The following PLEKHA7 variants were observed in gnomAD, a reference collection of about 807,000 sequenced individuals.
PLEKHA7 encodes pleckstrin homology domain containing A7.
PLEKHA7 carries 104 observed loss-of-function variants against 170.0 expected under a neutral mutation model. The observed-to-expected ratio is 0.61, with a 90% confidence interval of 0.52 to 0.72. PLEKHA7 has a LOEUF of 0.72. Among genes scored for constraint, PLEKHA7 ranks in the 30% least tolerant of loss-of-function variants. The pLI, the probability that PLEKHA7 is intolerant of heterozygous loss-of-function variation, is 0.00. For missense variants in PLEKHA7, 1,615 were observed against 1,671.7 expected, an observed-to-expected ratio of 0.97 and a Z score of 0.59; for synonymous variants, 648 against 660.8, an observed-to-expected ratio of 0.98 and a Z score of 0.30.
At chr11:16,849,894 G>C (rs1852779824) in intron 8 of PLEKHA7, among the ~76,000 whole-genome samples, 3 of 152,172 alleles carry the variant, frequency 2.0e-5, no homozygotes. Context: ...GGGAAACACA[G>C]GAACAACTCA....
chr11:16,901,292 A>C (rs935141904), intron 3 of PLEKHA7, among the ~76,000 whole-genome samples: 6 of 152,232 alleles, frequency 3.9e-5, no homozygotes, highest in Admixed American at 2.6e-4. Context: ...AAAATAAATC[A>C]GCTCTAGGCT....
chr11:16,910,183 A>G (rs1858147665), intron 3 of PLEKHA7, among the ~76,000 whole-genome samples: 1 of 152,236 alleles, frequency 6.6e-6, no homozygotes, highest in Non-Finnish European at 1.5e-5. Flanking sequence ...GTAATGTTTT[A>G]TAAACACTTC....
intron 8 of PLEKHA7, among the ~76,000 whole-genome samples, chr11:16,847,341 C>G (rs930458842): frequency 6.6e-6 from 1 of 152,058 alleles, no homozygotes; most frequent in African/African-American, 2.4e-5. Context: ...ATCCGCCCCC[C>G]TCTGCCTCCC....
chr11:16,855,652 G>A, intron 5 of PLEKHA7, 151 bp downstream of exon 5: 1 of 646,074 alleles, frequency 1.5e-6, no homozygotes, highest in Non-Finnish European at 2.8e-6. Flanking sequence ...ATCCCTCTTG[G>A]CCTCAGTTTC....
At chr11:16,959,514 C>T (rs962763704) in intron 3 of PLEKHA7, among the ~76,000 whole-genome samples, 1 of 152,164 alleles carries the variant, frequency 6.6e-6, no homozygotes, top group Non-Finnish European at 1.5e-5. Context: ...TCAGGTTCAG[C>T]ACCCAATGAG....
At chr11:16,936,035 A>C (rs1280601558) in intron 3 of PLEKHA7, among the ~76,000 whole-genome samples, 1 of 152,224 alleles carries the variant, frequency 6.6e-6, no homozygotes. Flanking sequence ...GGCAACACTG[A>C]GCCAGGAGAA....
At chr11:16,958,479 A>T (rs910696704) in intron 3 of PLEKHA7, among the ~76,000 whole-genome samples, 1 of 152,206 alleles carries the variant, frequency 6.6e-6, no homozygotes. Context: ...TGCATGAGAA[A>T]GGAAAGACTG....
rs1282292652 is a variant in PLEKHA7, at chr11:16,791,142, G to C, written c.2803C>G (p.Pro935Ala). The change falls in exon 20 of 27, where the codon CCC becomes GCC. Residue 935 changes from proline (P) to alanine (A), a missense_variant. By Grantham distance (27) the Pro-to-Ala change is conservative (BLOSUM62 -1). Transcript: ENST00000531066. This position sits in a 1 kb window ranked among gnomAD's most constrained non-coding sequence, Gnocchi z 4.5. ...CTTGGCAGAGGCGGCACAGCCGGGG[G>C]CTGGTCCTCTGGGCTGTAGAGTTCG... Reference protein sequence around the residue: ...LPELYSPEDQPPAVPPLPREA... With the variant: ...LPELYSPEDQAPAVPPLPREA... The C allele has an allele frequency of 6.2e-7, 1 of 1,613,778 alleles. No individual in the cohort carries two copies. The highest frequency in any genetic ancestry group is 2.2e-5 in the East Asian group (1 of 44,864).
intron 17 of PLEKHA7, among the ~76,000 whole-genome samples, chr11:16,800,755 G>A (rs1358060516): frequency 6.6e-6 from 1 of 152,156 alleles, no homozygotes; most frequent in Non-Finnish European, 1.5e-5. Context: ...AGCAAGGCAA[G>A]GGGAATGGGG....
intron 3 of PLEKHA7, among the ~76,000 whole-genome samples, chr11:16,975,331 A>G (rs1369729142): frequency 6.6e-6 from 1 of 152,242 alleles, no homozygotes; most frequent in African/African-American, 2.4e-5. Context: ...ACCACAATAA[A>G]GATACTCCCT....
At chr11:17,001,332 A>G (rs1864651867) in intron 3 of PLEKHA7, among the ~76,000 whole-genome samples, 1 of 152,216 alleles carries the variant, frequency 6.6e-6, no homozygotes, top group South Asian at 2.1e-4. Context: ...CCAGCCTCCA[A>G]TTAAACTGCT....
At chr11:16,976,634 G>A (rs184253302) in intron 3 of PLEKHA7, among the ~76,000 whole-genome samples, 100 of 152,268 alleles carry the variant, frequency 6.6e-4, no homozygotes, top group African/African-American at 2.3e-3. Flanking sequence ...CAGCCCTCTA[G>A]GCAAGATCTG....
intron 3 of PLEKHA7, among the ~76,000 whole-genome samples, chr11:16,874,918 C>G (rs1855159085): frequency 6.6e-6 from 1 of 152,216 alleles, no homozygotes; most frequent in Non-Finnish European, 1.5e-5. Context: ...ATCTTAATAG[C>G]AACTCCTGGG....
At chr11:16,980,475 A>G (rs1162589306) in intron 3 of PLEKHA7, among the ~76,000 whole-genome samples, 1 of 152,238 alleles carries the variant, frequency 6.6e-6, no homozygotes, top group East Asian at 1.9e-4. Flanking sequence ...TCCTGGATCC[A>G]CAGCCGCCTC....
chr11:16,952,491 A>T (rs1861466698), intron 3 of PLEKHA7, among the ~76,000 whole-genome samples: 1 of 152,168 alleles, frequency 6.6e-6, no homozygotes. Context: ...AATCAATTTC[A>T]GTCACTGTTC....
At chr11:16,833,192 G>C (rs755243868) in intron 9 of PLEKHA7, among the ~76,000 whole-genome samples, 1 of 152,102 alleles carries the variant, frequency 6.6e-6, no homozygotes, top group East Asian at 1.9e-4. Flanking sequence ...TAACAAGAGG[G>C]CTTGACAGCT....
At position 16,879,394 on chromosome 11, in the gene PLEKHA7, T is replaced by C. The variant is rs139464812; in HGVS notation, c.222-8212A>G. ...AGGGAGAGGCTGTGCAGAACCGATG[T>C]CATTTTCTGATTTCAGCAGCACCAT... On this transcript the variant is annotated intron_variant, in intron 3 of 26. Transcript: ENST00000531066. 5.8e-4 allele frequency among the ~76,000 whole-genome samples: 88 copies of C among 152,264 alleles called. No individual in the cohort carries two copies. In the East Asian group the frequency reaches 0.016, roughly 28 times the overall value.
intron 9 of PLEKHA7, among the ~76,000 whole-genome samples, chr11:16,835,985 C>G (rs1414590549): frequency 1.3e-5 from 2 of 152,208 alleles, no homozygotes; most frequent in Non-Finnish European, 2.9e-5. Flanking sequence ...AGGGCTCCAC[C>G]CCTGGTTCTC....
Position 16,895,075 on chromosome 11 carries a change from T to C in PLEKHA7, c.222-23893A>G, listed in dbSNP as rs149389343. Among the ~76,000 whole-genome samples, 513 of 151,582 alleles carry C rather than the reference T, an allele frequency of 3.4e-3. 5 individuals are homozygous for C. Among genetic ancestry groups the C allele is most frequent in the Middle Eastern group, 0.031 (9 of 292 alleles). On this transcript the variant is annotated intron_variant, in intron 3 of 26. Transcript: ENST00000531066. Reference sequence around the variant, plus strand: ...AGGCTTTTTGACTCCAGAGGTGGAGTCAAAGGTTGAACTATTCCCCATGAA... The same window carrying C: ...AGGCTTTTTGACTCCAGAGGTGGAGCCAAAGGTTGAACTATTCCCCATGAA...
Sources: allele counts gnomAD v4.1 joint callset (sites outside exome capture counted in the v4.1 genomes callset), GRCh38; gene constraint gnomAD v4.1.1; non-coding constraint Gnocchi (gnomAD v3.1); transcripts MANE v1.5; gene names NCBI Gene and HGNC (gene_info 2026-07-23, HGNC 2026-07-21).